The following JADE2 variants were observed in gnomAD, a reference collection of about 807,000 sequenced individuals.
JADE2 encodes the protein E3 ubiquitin-protein ligase Jade-2.
A neutral mutation model predicts 85.7 loss-of-function variants in JADE2; 13 were observed. The ratio of observed to expected loss-of-function variants is 0.15; its 90% CI spans 0.10 to 0.24. The LOEUF (loss-of-function observed/expected upper bound fraction) is 0.24, where lower values mean the gene tolerates loss of function less well. Ranked by LOEUF, JADE2 falls within the 10% of genes least tolerant of loss-of-function variation. The pLI is 1.00. For synonymous variants in JADE2, 440 were observed against 456.1 expected (o/e 0.96, Z 0.45); for missense variants, 846 against 1,115.9 (o/e 0.76, Z 3.45).
chr5:134,528,167 C>G (rs188601343), intron 1 of JADE2, among the ~76,000 whole-genome samples: 1 of 152,236 alleles, frequency 6.6e-6, no homozygotes, highest in East Asian at 1.9e-4. Context: ...ATTCCTGGAC[C>G]TGGGAGGTGG....
At chr5:134,571,818 C>G (rs1019328564) in intron 9 of JADE2, among the ~76,000 whole-genome samples, 1 of 152,258 alleles carries the variant, frequency 6.6e-6, no homozygotes, top group Admixed American at 6.5e-5. Flanking sequence ...ATTCCTGCCA[C>G]GAGGCTCTGC....
rs535293518 is a variant in JADE2 at position 134,571,056 on chromosome 5, G to A, written c.1435-2589G>A. Among the ~76,000 whole-genome samples, 14 of 152,348 alleles carry A rather than the reference G, an allele frequency of 9.2e-5. No homozygotes were observed. The East Asian group carries it at 9.6e-4, about 10-fold the overall frequency. On this transcript the variant is annotated intron_variant, in intron 9 of 11. Coordinates refer to ENST00000681547, the MANE Select transcript of JADE2 (RefSeq NM_001388185.1). ...GGTGTCAGCAGGATTAGTTCCTGCC[G>A]GAGGCTCTGCGGGGGAGTCTCTCCG... is the stretch of plus-strand genomic sequence containing the variant.
chr5:134,565,966 C>A, intron 8 of JADE2, 150 bp from the exon 9 acceptor site: 2 of 669,048 alleles, frequency 3.0e-6, no homozygotes, highest in East Asian at 2.7e-5. Context: ...TAACTCCCAT[C>A]CTGCACAGGA....
chr5:134,544,794 A>G (rs777491015), intron 3 of JADE2, among the ~76,000 whole-genome samples: 1 of 152,106 alleles, frequency 6.6e-6, no homozygotes, highest in Non-Finnish European at 1.5e-5. Context: ...AAGTCCCTCT[A>G]TATGGAGTGC....
Position 134,547,267 on chromosome 5 carries a change from C to G in JADE2, c.154-4785C>G, listed in dbSNP as rs566490801. On this transcript the variant is annotated intron_variant, in intron 3 of 11. Transcript: ENST00000681547. ...GCCCCCTCCAGGGCTGCATTGGCAC[C>G]CCTAGCACTCAGATTGGTGATTCAA... 7.2e-5 allele frequency among the ~76,000 whole-genome samples: 11 copies of G among 152,294 alleles called. No homozygotes were observed. In the South Asian group the frequency reaches 2.1e-3, roughly 29 times the overall value.
chr5:134,578,540 C>T lies in JADE2; in HGVS notation c.1728C>T (p.Ser576=). Residue 576 remains serine (S), a synonymous_variant, in exon 12 of 12, where the codon AGC becomes AGT. Coordinates refer to ENST00000681547, the MANE Select transcript of JADE2 (RefSeq NM_001388185.1). This position sits in a 1 kb window ranked among gnomAD's most constrained non-coding sequence, Gnocchi z 4.4. ...SFPIDGTFFN[S]WLAQSVQITA... is the part of the protein sequence containing the mutation. Reference sequence around the variant, plus strand: ...CCATCGATGGCACCTTCTTCAACAGCTGGCTGGCACAGTCGGTGCAGATCA... The same window carrying T: ...CCATCGATGGCACCTTCTTCAACAGTTGGCTGGCACAGTCGGTGCAGATCA... 1 of 1,602,998 alleles carries T rather than the reference C, an allele frequency of 6.2e-7. No homozygotes were observed. The highest frequency in any genetic ancestry group is 8.5e-7 in the Non-Finnish European group (1 of 1,171,388).
intron 3 of JADE2, among the ~76,000 whole-genome samples, chr5:134,551,342 C>T (rs1002851639): frequency 6.6e-6 from 1 of 152,136 alleles, no homozygotes; most frequent in African/African-American, 2.4e-5. Context: ...AATCCTTCCA[C>T]CTCAACCTCC....
chr5:134,555,344 T>A (rs1356397292), intron 4 of JADE2, among the ~76,000 whole-genome samples: 2 of 151,962 alleles, frequency 1.3e-5, no homozygotes, highest in Non-Finnish European at 2.9e-5. Context: ...AAAGACCCCC[T>A]CCCCTCCCAT....
In JADE2 at chr5:134,575,906, A is replaced by C. The variant is rs180926538; in HGVS notation, c.1553-862A>C. ...AGGCTCTGTCTCTAAAAAATAAATA[A>C]ATAAACAGATGTGGCCAGGCACAGT... On this transcript the variant is annotated intron_variant, in intron 10 of 11. Transcript: ENST00000681547. Among the ~76,000 whole-genome samples, 3 of 148,696 alleles carry C rather than the reference A, an allele frequency of 2.0e-5. No individual in the cohort carries two copies. The East Asian group carries it at 6.0e-4, about 30-fold the overall frequency.
intron 7 of JADE2, 71 bp from the exon 8 acceptor site, chr5:134,564,423 C>A: frequency 1.9e-6 from 2 of 1,038,872 alleles, no homozygotes; most frequent in East Asian, 5.6e-5. Flanking sequence ...GCAGACAAAC[C>A]CCCATTTTGG....
chr5:134,564,428 T>C, intron 7 of JADE2, 66 bp from the exon 8 acceptor site: 2 of 1,083,022 alleles, frequency 1.8e-6, no homozygotes, highest in East Asian at 2.7e-5. Flanking sequence ...CAAACCCCCA[T>C]TTTGGAGATC....
rs138225577 is a variant in JADE2 at position 134,579,265 on chromosome 5, C to T, written c.2453C>T (p.Pro818Leu). 1 of 1,613,596 alleles carries T rather than the reference C, an allele frequency of 6.2e-7. No homozygotes were observed. The highest frequency in any genetic ancestry group is 8.5e-7 in the Non-Finnish European group (1 of 1,179,948). The change falls in exon 12 of 12, where the codon CCC (proline) becomes CTC (leucine). Residue 818 changes from proline to leucine, a missense_variant. Coordinates refer to ENST00000681547, the MANE Select transcript of JADE2 (RefSeq NM_001388185.1). This position sits in a 1 kb window ranked among gnomAD's most constrained non-coding sequence, Gnocchi z 4.6. Reference protein sequence around the residue: ...EAEDGGVQRGPREAGAEEVVR... With the variant: ...EAEDGGVQRGLREAGAEEVVR... ...GAGGACGGTGGGGTGCAGCGGGGTC[C>T]CCGGGAGGCAGGGGCAGAGGAGGTG...
intron 9 of JADE2, among the ~76,000 whole-genome samples, chr5:134,571,630 G>A (rs1428369554): frequency 1.3e-5 from 2 of 152,202 alleles, no homozygotes; most frequent in Non-Finnish European, 2.9e-5. Context: ...CCGGGAGGCC[G>A]AGGTTGCAGT....
At chr5:134,563,111 A>G (rs1295764015) in intron 7 of JADE2, among the ~76,000 whole-genome samples, 1 of 151,748 alleles carries the variant, frequency 6.6e-6, no homozygotes, top group African/African-American at 2.4e-5. Flanking sequence ...TGAGGTGAGG[A>G]GTTCAAGACC....
intron 3 of JADE2, among the ~76,000 whole-genome samples, chr5:134,538,391 C>T (rs1475889121): frequency 6.6e-6 from 1 of 152,136 alleles, no homozygotes; most frequent in African/African-American, 2.4e-5. Context: ...AGTCATCCAG[C>T]AGGGAAATAG....
Position 134,579,378 on chromosome 5 carries a change from A to G in JADE2, c.*61A>G. 1 of 1,322,502 alleles carries G rather than the reference A, an allele frequency of 7.6e-7. No individual in the cohort carries two copies. The highest frequency in any genetic ancestry group is 1.0e-6 in the Non-Finnish European group (1 of 979,926). The allele number at this position is 1,322,502 out of a possible 1,614,324, so 81.9% of individuals were successfully genotyped here. On this transcript the variant is annotated 3_prime_UTR_variant, in exon 12 of 12. Transcript: ENST00000681547. This position sits in a 1 kb window ranked among gnomAD's most constrained non-coding sequence, Gnocchi z 4.6. ...CCCCCCACAAGGCCTCAGCCCAGTC[A>G]CAACTGCCATTTCCAGTCTCTGCTG...
At chr5:134,542,631 A>G (rs908931495) in intron 3 of JADE2, among the ~76,000 whole-genome samples, 6 of 151,680 alleles carry the variant, frequency 4.0e-5, no homozygotes, top group Non-Finnish European at 7.4e-5. Flanking sequence ...TAGTAGAGAC[A>G]GGGTTTCTCC....
intron 7 of JADE2, among the ~76,000 whole-genome samples, chr5:134,563,086 G>A (rs1763422102): frequency 6.6e-6 from 1 of 152,044 alleles, no homozygotes; most frequent in South Asian, 2.1e-4. Context: ...GGGAGGCCGA[G>A]GTGGGTGAAT....
In JADE2 at chr5:134,578,931, G is replaced by C; in HGVS notation, c.2119G>C (p.Asp707His). The C allele has an allele frequency of 1.2e-6, 2 of 1,613,714 alleles. No individual in the cohort carries two copies. Among genetic ancestry groups the C allele is most frequent in the Non-Finnish European group, 1.7e-6 (2 of 1,179,986 alleles). ...CTTGCCGTCCAGCCCTGCAGCCGGG[G>C]ACTGTCCCATCCTAGCCACCCCTGA... ...SHLPSSPAAG[D>H]CPILATPESP... The change falls in exon 12 of 12, where the codon GAC becomes CAC. Residue 707 changes from aspartate (D) to histidine (H), a missense_variant. By Grantham distance (81) the Asp-to-His change is moderately conservative. Coordinates refer to ENST00000681547, the MANE Select transcript of JADE2 (RefSeq NM_001388185.1). The surrounding 1 kb of genome is among the most constrained non-coding windows in gnomAD (Gnocchi z 4.4).
Sources: allele counts gnomAD v4.1 joint callset (sites outside exome capture counted in the v4.1 genomes callset), GRCh38; gene constraint gnomAD v4.1.1; non-coding constraint Gnocchi (gnomAD v3.1); transcripts MANE v1.5; gene names NCBI Gene and HGNC (gene_info 2026-07-23, HGNC 2026-07-21).